The following ZNF714 variants were observed in gnomAD, a reference collection of about 807,000 sequenced individuals.
The protein encoded by ZNF714 is zinc finger protein 714.
A neutral mutation model predicts 46.2 loss-of-function variants in ZNF714; 32 were observed. The ratio of observed to expected loss-of-function variants is 0.69; its 90% CI spans 0.52 to 0.93. The LOEUF (loss-of-function observed/expected upper bound fraction) is 0.93, where lower values mean the gene tolerates loss of function less well. Ranked by LOEUF, ZNF714 falls within the 40% of genes least tolerant of loss-of-function variation. The pLI is 0.00. For missense variants in ZNF714, 635 were observed against 646.3 expected, an observed-to-expected ratio of 0.98 and a Z score of 0.19; for synonymous variants, 199 against 213.1, an observed-to-expected ratio of 0.93 and a Z score of 0.58.
chr19:21,085,310 C>T (rs557153857), intron 2 of ZNF714, among the ~76,000 whole-genome samples: 1 of 152,184 alleles, frequency 6.6e-6, no homozygotes, highest in Non-Finnish European at 1.5e-5. Flanking sequence ...ATCTTGATTT[C>T]TGAGTTTCAT....
chr19:21,088,598 A>G (rs1225216555), intron 2 of ZNF714, among the ~76,000 whole-genome samples: 2 of 152,192 alleles, frequency 1.3e-5, no homozygotes, highest in African/African-American at 2.4e-5. Context: ...TTTTATTTCA[A>G]AAAGATTACT....
intron 2 of ZNF714, among the ~76,000 whole-genome samples, chr19:21,092,906 CTTTTTTT>C (rs56845417): frequency 2.0e-5 from 2 of 101,706 alleles, no homozygotes; most frequent in Admixed American, 1.3e-4. Flanking sequence ...ATAACTTAAA[CTTTTTTT>C]TTTTTTTTTT....
chr19:21,103,166 G>C (rs529449576), intron 4 of ZNF714, among the ~76,000 whole-genome samples: 7 of 140,764 alleles, frequency 5.0e-5, no homozygotes, highest in African/African-American at 1.8e-4. Context: ...CTTTGTGTGA[G>C]AGAAACACTT....
At chr19:21,084,915 C>A (rs117964950) in intron 2 of ZNF714, among the ~76,000 whole-genome samples, 1 of 151,804 alleles carries the variant, frequency 6.6e-6, no homozygotes, top group African/African-American at 2.4e-5. Flanking sequence ...CCACCACGCC[C>A]GGCCAGCAGG....
intron 4 of ZNF714, among the ~76,000 whole-genome samples, chr19:21,109,253 C>T (rs555781025): frequency 6.6e-6 from 1 of 152,276 alleles, no homozygotes; most frequent in East Asian, 1.9e-4. Context: ...AAGTCTCACT[C>T]TGTCAACCAG....
At chr19:21,106,153 C>G (rs1045236237) in intron 4 of ZNF714, among the ~76,000 whole-genome samples, 1 of 151,358 alleles carries the variant, frequency 6.6e-6, no homozygotes, top group African/African-American at 2.4e-5. Context: ...TACTTGGGAA[C>G]CTGAGGCAGG....
chr19:21,104,980 C>A (rs1327248604), intron 4 of ZNF714, among the ~76,000 whole-genome samples: 1 of 151,284 alleles, frequency 6.6e-6, no homozygotes, highest in Non-Finnish European at 1.5e-5. Context: ...AATGTTTTAT[C>A]CCATTTGGGT....
intron 2 of ZNF714, among the ~76,000 whole-genome samples, chr19:21,096,236 G>A (rs1969037910): frequency 6.6e-6 from 1 of 152,184 alleles, no homozygotes; most frequent in South Asian, 2.1e-4. Flanking sequence ...TGTTATAAAG[G>A]AGAAAGATGA....
Position 21,117,836 on chromosome 19 carries a change from A to T in ZNF714, c.1172A>T (p.His391Leu). 6.2e-7 allele frequency: 1 copy of T among 1,612,338 alleles called. No homozygotes were observed. The highest frequency in any genetic ancestry group is 8.5e-7 in the Non-Finnish European group (1 of 1,179,184). The change falls in exon 5 of 5, where the codon CAT becomes CTT. Residue 391 changes from histidine to leucine, a missense_variant. Coordinates refer to ENST00000456283, the MANE Select transcript of ZNF714 (RefSeq NM_182515.4). ...SSKLTIHKII[H>L]TGEKPYKCEE... ...AAACTTACTATACATAAGATAATTCATACTGGAGAGAAACCTTACAAATGT... is the reference window on the plus strand; with the variant it reads ...AAACTTACTATACATAAGATAATTCTTACTGGAGAGAAACCTTACAAATGT...
chr19:21,106,292 G>A (rs916800148), intron 4 of ZNF714, among the ~76,000 whole-genome samples: 5 of 151,302 alleles, frequency 3.3e-5, no homozygotes, highest in African/African-American at 7.3e-5. Context: ...AAATCGGGCC[G>A]GGCACGGTGG....
chr19:21,084,442 A>G (rs759963992), intron 2 of ZNF714, among the ~76,000 whole-genome samples: 1 of 147,062 alleles, frequency 6.8e-6, no homozygotes, highest in Admixed American at 6.8e-5. Context: ...GCAAAGTAAA[A>G]TGCCTCTGGA....
At chr19:21,110,299 G>A (rs1038392356) in intron 4 of ZNF714, among the ~76,000 whole-genome samples, 1 of 152,176 alleles carries the variant, frequency 6.6e-6, no homozygotes, top group Non-Finnish European at 1.5e-5. Context: ...TTGATGGCAT[G>A]AAATGGTATC....
intron 4 of ZNF714, among the ~76,000 whole-genome samples, chr19:21,102,641 T>C (rs1969208401): frequency 6.6e-6 from 1 of 152,222 alleles, no homozygotes; most frequent in African/African-American, 2.4e-5. Context: ...CTATTTATAA[T>C]TATACTGCAT....
In ZNF714 at chr19:21,123,364, T is replaced by C. The variant is rs955022918; in HGVS notation, c.*5032T>C. On this transcript the variant is annotated 3_prime_UTR_variant, in exon 5 of 5. Transcript: ENST00000456283. ...ATTTTCTTTTTTTATTTTTACTTTT[T>C]ATTTTTTAGAGACAGAGTCTTGCTC... is the stretch of plus-strand genomic sequence containing the variant. Among the ~76,000 whole-genome samples, 1 of 152,142 alleles carries C rather than the reference T, an allele frequency of 6.6e-6. No individual in the cohort carries two copies. The highest frequency in any genetic ancestry group is 1.5e-5 in the Non-Finnish European group (1 of 68,024).
rs997615082 is a variant in ZNF714 at position 21,121,101 on chromosome 19, G to C, written c.*2769G>C. ...CGCCCAGGCTGGAGTGTGCAATCTCGGCTCACTGCAAGCTCCACTTCCCGG... is the reference window on the plus strand; with the variant it reads ...CGCCCAGGCTGGAGTGTGCAATCTCCGCTCACTGCAAGCTCCACTTCCCGG... On this transcript the variant is annotated 3_prime_UTR_variant, in exon 5 of 5. Coordinates refer to ENST00000456283, the MANE Select transcript of ZNF714 (RefSeq NM_182515.4). 1 of 152,092 alleles carries C rather than the reference G, an allele frequency of 6.6e-6. No homozygotes were observed. Among genetic ancestry groups the C allele is most frequent in the Non-Finnish European group, 1.5e-5 (1 of 68,046 alleles). 9.4% of individuals were successfully genotyped at this position (152,092 alleles called of 1,614,324 possible).
intron 1 of ZNF714, among the ~76,000 whole-genome samples, chr19:21,083,258 C>T (rs901731606): frequency 1.3e-5 from 2 of 152,194 alleles, no homozygotes; most frequent in Non-Finnish European, 2.9e-5. Context: ...TGGTCTCGAA[C>T]TCCCGACCTC....
chr19:21,111,936 T>A (rs559414001), intron 4 of ZNF714, among the ~76,000 whole-genome samples: 1 of 152,320 alleles, frequency 6.6e-6, no homozygotes, highest in South Asian at 2.1e-4. Flanking sequence ...AAAGCTGACT[T>A]GATTGTGGTG....
At chr19:21,113,798 C>G (rs918097668) in intron 4 of ZNF714, among the ~76,000 whole-genome samples, 1 of 152,100 alleles carries the variant, frequency 6.6e-6, no homozygotes, top group Non-Finnish European at 1.5e-5. Context: ...GCGTGAGCCA[C>G]CATGCCCAGC....
intron 4 of ZNF714, among the ~76,000 whole-genome samples, chr19:21,112,438 C>T (rs1022900047): frequency 1.3e-5 from 2 of 151,832 alleles, no homozygotes; most frequent in Non-Finnish European, 2.9e-5. Flanking sequence ...GTGGTGATAT[C>T]CCCTTTATCA....
Sources: gnomAD v4.1 joint callset for allele counts (sites outside exome capture counted in the v4.1 genomes callset) on GRCh38, gnomAD v4.1.1 for gene constraint, MANE v1.5 for transcripts, NCBI Gene and HGNC (gene_info 2026-07-23, HGNC 2026-07-21) for gene names.